Variants in USP19 observed in about 807,000 individuals in gnomAD.
The protein encoded by USP19 is ubiquitin carboxyl-terminal hydrolase 19.
Under a neutral mutation model 144.8 loss-of-function variants are expected in USP19, and 40 were observed. That is an observed-to-expected ratio of 0.28 (90% CI 0.21 to 0.36). USP19 has a LOEUF of 0.36. USP19 is among the 10% of genes least tolerant of loss of function. USP19 has a pLI of 1.00. For missense variants in USP19, 1,518 were observed against 1,822.5 expected (o/e 0.83, Z 3.04); for synonymous variants, 701 against 709.3 (o/e 0.99, Z 0.19).
In USP19 at chr3:49,114,362, G is replaced by T; in HGVS notation, c.2293-78C>A. 1 of 1,429,572 alleles carries T rather than the reference G, an allele frequency of 7.0e-7. No individual in the cohort carries two copies. Among genetic ancestry groups the T allele is most frequent in the Non-Finnish European group, 9.7e-7 (1 of 1,032,478 alleles). 88.6% of individuals were successfully genotyped at this position (1,429,572 alleles called of 1,614,324 possible). Reference sequence around the variant, plus strand: ...TGCTCATGCTCAGAGAGCCCATTCCGGGGCTTCTGATGGCTCTCAGGGCCC... The same window carrying T: ...TGCTCATGCTCAGAGAGCCCATTCCTGGGCTTCTGATGGCTCTCAGGGCCC... On this transcript the variant is annotated intron_variant, in intron 15 of 26. Transcript: ENST00000417901. The surrounding 1 kb of genome is among the most constrained non-coding windows in gnomAD (Gnocchi z 4.5).
rs768374024 is a variant in USP19 at position 49,115,576 on chromosome 3, C to T, written c.1756G>A (p.Glu586Lys). 6.2e-7 allele frequency: 1 copy of T among 1,612,916 alleles called. No homozygotes were observed. Among genetic ancestry groups the T allele is most frequent in the Admixed American group, 1.7e-5 (1 of 59,712 alleles). Residue 586 changes from glutamate (E) to lysine (K), a missense_variant, in exon 12 of 27, where the codon GAG becomes AAG. Glu to Lys is a moderately conservative substitution (Grantham distance 56, BLOSUM62 1). Around this residue, in one of 5 missense-constraint regions of USP19, gnomAD observed 158 missense variants for 277.3 expected, o/e 0.57. Transcript: ENST00000417901. The surrounding 1 kb of genome is among the most constrained non-coding windows in gnomAD (Gnocchi z 6.6). ...HSPVSGDSVE[E>K]EEEEEKKVCL... ...ACCTTCTTCTCTTCCTCTTCCTCCT[C>T]CTCCACGCTGTCTCCACTAACTGGG...
Position 49,116,523 on chromosome 3 carries a change from A to C in USP19, c.1211T>G (p.Val404Gly). The C allele has an allele frequency of 6.2e-7, 1 of 1,614,166 alleles. No individual in the cohort carries two copies. The highest frequency in any genetic ancestry group is 8.5e-7 in the Non-Finnish European group (1 of 1,180,020). The part of the protein sequence containing the change: ...GPDSVVVHVY[V>G]KEICRDTSRV... ...TGAGGTGTCCCTGCAGATCTCCTTC[A>C]CGTACACGTGCACCACCACTGAATC... The change falls in exon 8 of 27, where the codon GTG (valine) becomes GGG (glycine). Residue 404 changes from valine (V) to glycine (G), a missense_variant. By Grantham distance (109) the Val-to-Gly change is moderately radical. Transcript: ENST00000417901. This position sits in a 1 kb window ranked among gnomAD's most constrained non-coding sequence, Gnocchi z 5.0.
At chr3:49,120,684 A>C in intron 1 of USP19, 72 bp downstream of exon 1, 1 of 188,356 alleles carries the variant, frequency 5.3e-6, no homozygotes, top group Non-Finnish European at 1.1e-5. Flanking sequence ...GACCTTGAAC[A>C]GGCCGCCGCG....
At position 49,108,950 on chromosome 3, in the gene USP19, A is replaced by AGGCGAGCTCATCTCC. The variant is rs770294258; in HGVS notation, c.4039-437_4039-423dup. The AGGCGAGCTCATCTCC allele has an allele frequency of 5.2e-5, 84 of 1,604,188 alleles. No individual in the cohort carries two copies. Among genetic ancestry groups the AGGCGAGCTCATCTCC allele is most frequent in the Non-Finnish European group, 7.2e-5 (84 of 1,174,496 alleles). On this transcript the variant is annotated intron_variant, in intron 26 of 26. Coordinates refer to ENST00000417901, the MANE Select transcript of USP19 (RefSeq NM_001199161.2). This position sits in a 1 kb window ranked among gnomAD's most constrained non-coding sequence, Gnocchi z 4.8. The stretch of plus-strand genomic sequence containing the variant: ...AGGCCAGCTCACAGCAGCTGCCTGC[A>AGGCGAGCTCATCTCC]GGCGAGCTCATCTCCAGCGACTCTG...
In USP19 at chr3:49,110,198, C is replaced by A; in HGVS notation, c.4024G>T (p.Ala1342Ser). Residue 1342 changes from alanine to serine, a missense_variant, in exon 26 of 27, where the codon GCT (alanine) becomes TCT (serine). By Grantham distance (99) the Ala-to-Ser change is moderately conservative. Transcript: ENST00000417901. This position sits in a 1 kb window ranked among gnomAD's most constrained non-coding sequence, Gnocchi z 6.1. Reference protein sequence around the residue: ...HHPDLGPAAEAAASQGLGPGQ... With the variant: ...HHPDLGPAAESAASQGLGPGQ... Reference sequence around the variant, plus strand: ...ACATGCCTCACCTGGCTGGCAGCAGCCTCAGCTGCAGGGCCTAGGTCTGGG... The same window carrying A: ...ACATGCCTCACCTGGCTGGCAGCAGACTCAGCTGCAGGGCCTAGGTCTGGG... 1 of 1,522,260 alleles carries A rather than the reference C, an allele frequency of 6.6e-7. No homozygotes were observed. The highest frequency in any genetic ancestry group is 8.8e-7 in the Non-Finnish European group (1 of 1,135,868). 94.3% of individuals were successfully genotyped at this position (1,522,260 alleles called of 1,614,324 possible). A position where few individuals can be genotyped will look rare whatever the true frequency, so the allele number is the denominator to read the frequency against.
chr3:49,108,697 T>C lies in USP19; in HGVS notation c.4039-169A>G, dbSNP rs1231933634. On this transcript the variant is annotated intron_variant, in intron 26 of 26. Transcript: ENST00000417901. The surrounding 1 kb of genome is among the most constrained non-coding windows in gnomAD (Gnocchi z 4.8). ...ATTGGGCCTGAATAGTCTGGTTTTA[T>C]TAACACTTTTAAGTACAGGAAGTAG... 7.6e-7 allele frequency: 1 copy of C among 1,317,910 alleles called. No individual in the cohort carries two copies. The highest frequency in any genetic ancestry group is 9.7e-7 in the Non-Finnish European group (1 of 1,035,942). The allele number at this position is 1,317,910 out of a possible 1,614,324, so 81.6% of individuals were successfully genotyped here. A position where few individuals can be genotyped will look rare whatever the true frequency, so the allele number is the denominator to read the frequency against.
chr3:49,109,921 C>T, intron 26 of USP19: 1 of 340,864 alleles, frequency 2.9e-6, no homozygotes, highest in Non-Finnish European at 5.3e-6. Context: ...CAGTGAGGTT[C>T]AGAGCAGTTG....
Position 49,115,126 on chromosome 3 carries a change from A to C in USP19, c.2023-9T>G. 1 of 1,613,542 alleles carries C rather than the reference A, an allele frequency of 6.2e-7. No individual in the cohort carries two copies. ...TTACTCGCCACAATGGCCTGGATAC[A>C]GGAGCCAAGGTGTGAACATGAAGCC... On this transcript the variant is annotated splice_polypyrimidine_tract_variant and intron_variant, in intron 13 of 26. Transcript: ENST00000417901. The surrounding 1 kb of genome is among the most constrained non-coding windows in gnomAD (Gnocchi z 6.6).
At position 49,112,083 on chromosome 3, in the gene USP19, G is replaced by A. The variant is rs1423579613; in HGVS notation, c.2766-35C>T. On this transcript the variant is annotated intron_variant, in intron 19 of 26. Coordinates refer to ENST00000417901, the MANE Select transcript of USP19 (RefSeq NM_001199161.2). This position sits in a 1 kb window ranked among gnomAD's most constrained non-coding sequence, Gnocchi z 4.9. ...AGAGGAAGACAAGGATAGGCCCTTA[G>A]CCCCATCTCCTATGACTCCATACTG... The A allele has an allele frequency of 6.2e-7, 1 of 1,610,116 alleles. No homozygotes were observed. The highest frequency in any genetic ancestry group is 8.5e-7 in the Non-Finnish European group (1 of 1,177,908).
rs199856215 is a variant in USP19, at chr3:49,119,087, G to A, written c.59C>T (p.Thr20Ile). ...ATCCTTCTGCTTCTTCTTACTAGTG[G>A]TGTCCTCCAGTCCTGGGGGCCCTCT... ...PRRGPPGLED[T>I]TSKKKQKDRA... Residue 20 changes from threonine to isoleucine, a missense_variant, in exon 2 of 27, where the codon ACC becomes ATC. By Grantham distance (89) the Thr-to-Ile change is moderately conservative. This residue lies in a region of USP19 where 707 missense variants were observed against 728.9 expected (regional missense o/e 0.97). Coordinates refer to ENST00000417901, the MANE Select transcript of USP19 (RefSeq NM_001199161.2). 4.1e-4 allele frequency: 654 copies of A among 1,613,966 alleles called. 1 individual carries two copies. Among genetic ancestry groups the A allele is most frequent in the Non-Finnish European group, 4.9e-4 (580 of 1,180,026 alleles).
Position 49,116,718 on chromosome 3 carries a change from C to G in USP19, c.1126+9G>C. 1.2e-6 allele frequency: 2 copies of G among 1,609,178 alleles called. No individual in the cohort carries two copies. Among genetic ancestry groups the G allele is most frequent in the South Asian group, 1.1e-5 (1 of 90,420 alleles). On this transcript the variant is annotated intron_variant, in intron 7 of 26. Coordinates refer to ENST00000417901, the MANE Select transcript of USP19 (RefSeq NM_001199161.2). The surrounding 1 kb of genome is among the most constrained non-coding windows in gnomAD (Gnocchi z 5.0). The stretch of plus-strand genomic sequence containing the variant: ...ACCTAGGGCTCTGCCTGCCCACCCC[C>G]ACCTTTACCATCCACCAAGGTTGCA...
At position 49,114,155 on chromosome 3, in the gene USP19, G is replaced by A. The variant is rs1315177376; in HGVS notation, c.2403+19C>T. The A allele has an allele frequency of 1.9e-6, 3 of 1,614,040 alleles. No individual in the cohort carries two copies. The highest frequency in any genetic ancestry group is 8.5e-7 in the Non-Finnish European group (1 of 1,179,880). On this transcript the variant is annotated intron_variant, in intron 16 of 26. Transcript: ENST00000417901. The surrounding 1 kb of genome is among the most constrained non-coding windows in gnomAD (Gnocchi z 4.5). ...CACGTTCTCTAGAACAGCCCAGAGG[G>A]TAGGGGCTTACTCCTCACCTTGATG...
intron 26 of USP19, chr3:49,109,221 G>A: frequency 2.1e-6 from 3 of 1,453,096 alleles, no homozygotes; most frequent in Non-Finnish European, 2.7e-6. Flanking sequence ...GCACCCCGGG[G>A]GTGGGGAGGA....
Position 49,108,500 on chromosome 3 carries a change from A to G in USP19, c.4067T>C (p.Val1356Ala). 4.8e-6 allele frequency: 6 copies of G among 1,246,106 alleles called. No homozygotes were observed. The highest frequency in any genetic ancestry group is 4.1e-6 in the Non-Finnish European group (4 of 966,876). The allele number at this position is 1,246,106 out of a possible 1,614,324, so 77.2% of individuals were successfully genotyped here. A position where few individuals can be genotyped will look rare whatever the true frequency, so the allele number is the denominator to read the frequency against. Residue 1356 changes from valine to alanine, a missense_variant, in exon 27 of 27, where the codon GTG (valine) becomes GCG (alanine). Transcript: ENST00000417901. The surrounding 1 kb of genome is among the most constrained non-coding windows in gnomAD (Gnocchi z 4.8). ...QGLGPGQAPE[V>A]APTRTAPERF... Reference sequence around the variant, plus strand: ...TTCAGGGGCTGTCCGCGTGGGGGCCACCTCGGGGGCCTGGCCAGGGCCTAG... The same window carrying G: ...TTCAGGGGCTGTCCGCGTGGGGGCCGCCTCGGGGGCCTGGCCAGGGCCTAG...
rs757415407 is a variant in USP19 at position 49,118,122 on chromosome 3, T to TAA, written c.125-4_125-3dup. 57 of 1,003,536 alleles carry TAA rather than the reference T, an allele frequency of 5.7e-5. No homozygotes were observed. Among genetic ancestry groups the TAA allele is most frequent in the African/African-American group, 1.0e-4 (6 of 58,422 alleles). The allele number at this position is 1,003,536 out of a possible 1,614,324, so 62.2% of individuals were successfully genotyped here. A position where few individuals can be genotyped will look rare whatever the true frequency, so the allele number is the denominator to read the frequency against. ...GGGCAACATATCGAGACCCTGTCTC[T>TAA]AAAAAAAAAATAAGAAAAATTAGTC... is the stretch of plus-strand genomic sequence containing the variant. On this transcript the variant is annotated splice_polypyrimidine_tract_variant and splice_region_variant and intron_variant, in intron 2 of 26. Coordinates refer to ENST00000417901, the MANE Select transcript of USP19 (RefSeq NM_001199161.2).
At position 49,114,166 on chromosome 3, in the gene USP19, C is replaced by A. The variant is rs2043684713; in HGVS notation, c.2403+8G>T. 3 of 1,614,178 alleles carry A rather than the reference C, an allele frequency of 1.9e-6. No homozygotes were observed. The Middle Eastern group carries it at 4.9e-4, about 266-fold the overall frequency. ...GAACAGCCCAGAGGGTAGGGGCTTA[C>A]TCCTCACCTTGATGGGCTTGCTGTG... On this transcript the variant is annotated splice_region_variant and intron_variant, in intron 16 of 26. Coordinates refer to ENST00000417901, the MANE Select transcript of USP19 (RefSeq NM_001199161.2). This position sits in a 1 kb window ranked among gnomAD's most constrained non-coding sequence, Gnocchi z 4.5.
chr3:49,118,101 A>G lies in USP19; in HGVS notation c.144T>C (p.Val48=), dbSNP rs2044482755. ...CCAGAGGTTCAAGACCAGCCTGGGC[A>G]ACATATCGAGACCCTGTCTCTAAAA... ...DPRKETGSRY[V]AQAGLEPLAS... is the part of the protein sequence containing the mutation. Residue 48 remains valine, a synonymous_variant, in exon 3 of 27, where the codon GTT becomes GTC. Coordinates refer to ENST00000417901, the MANE Select transcript of USP19 (RefSeq NM_001199161.2). The G allele has an allele frequency of 7.1e-7, 1 of 1,404,368 alleles. No individual in the cohort carries two copies. Among genetic ancestry groups the G allele is most frequent in the Non-Finnish European group, 9.8e-7 (1 of 1,018,622 alleles). The allele number at this position is 1,404,368 out of a possible 1,614,324, so 87.0% of individuals were successfully genotyped here. A position where few individuals can be genotyped will look rare whatever the true frequency, so the allele number is the denominator to read the frequency against.
chr3:49,111,284 G>A lies in USP19; in HGVS notation c.3299C>T (p.Ser1100Phe). ...GTCCTCTAGCCGCTGCTCTCGGTTG[G>A]ATGAATCAATTTTATAGATGAAGAA... The part of the protein sequence containing the change: ...PQFFIYKIDS[S>F]NREQRLEDKG... The change falls in exon 22 of 27, where the codon TCC becomes TTC. Residue 1100 changes from serine to phenylalanine, a missense_variant. Transcript: ENST00000417901. This position sits in a 1 kb window ranked among gnomAD's most constrained non-coding sequence, Gnocchi z 5.9. 1 of 1,614,184 alleles carries A rather than the reference G, an allele frequency of 6.2e-7. No individual in the cohort carries two copies.
chr3:49,110,831 G>A lies in USP19; in HGVS notation c.3578C>T (p.Ala1193Val), dbSNP rs1369211155. 2 of 1,614,102 alleles carry A rather than the reference G, an allele frequency of 1.2e-6. No individual in the cohort carries two copies. Among genetic ancestry groups the A allele is most frequent in the Non-Finnish European group, 8.5e-7 (1 of 1,180,066 alleles). The part of the protein sequence containing the change: ...YCPQCKQHRE[A>V]SKQLLLWRLP... ...GCGCCATAGCAACAGCTGCTTGGAG[G>A]CCTCACGGTGCTGTTTGCACTGTGG... The change falls in exon 24 of 27, where the codon GCC becomes GTC. Residue 1193 changes from alanine to valine, a missense_variant. Physicochemically the swap from Ala to Val is moderately conservative, Grantham distance 64. Coordinates refer to ENST00000417901, the MANE Select transcript of USP19 (RefSeq NM_001199161.2). This position sits in a 1 kb window ranked among gnomAD's most constrained non-coding sequence, Gnocchi z 6.1.
Sources: allele counts gnomAD v4.1 joint callset, GRCh38; gene constraint gnomAD v4.1.1; regional missense constraint gnomAD v4.1.1; non-coding constraint Gnocchi (gnomAD v3.1); transcripts MANE v1.5; gene names NCBI Gene and HGNC (gene_info 2026-07-23, HGNC 2026-07-21).